Variants in PRR23E observed in about 807,000 individuals in gnomAD.
PRR23E encodes the protein proline-rich protein 23E.
the PRR23E span, among the ~76,000 whole-genome samples, chr3:127,195,925 T>C: frequency 6.6e-6 from 1 of 152,224 alleles, no homozygotes; most frequent in Non-Finnish European, 1.5e-5. Context: ...TGGGGCTACC[T>C]GATGTGCCCT....
At chr3:127,196,563 T>A in the PRR23E span, 11 of 1,373,336 alleles carry the variant, frequency 8.0e-6, no homozygotes, top group South Asian at 1.6e-5. Context: ...CTCCCTGCCC[T>A]CTGACTGGCT....
chr3:127,194,051 G>A, the PRR23E span, among the ~76,000 whole-genome samples: 3 of 151,982 alleles, frequency 2.0e-5, no homozygotes, highest in South Asian at 2.1e-4. Flanking sequence ...TCTATTTTGT[G>A]GTTTGTCTTT....
chr3:127,196,953 G>T, the PRR23E span: 1 of 1,599,424 alleles, frequency 6.3e-7, no homozygotes, highest in South Asian at 1.1e-5. Context: ...TCTCTGGATG[G>T]GTTATCCCCC....
the PRR23E span, chr3:127,193,395 C>T: frequency 6.6e-6 from 1 of 152,484 alleles, no homozygotes; most frequent in African/African-American, 2.4e-5. Flanking sequence ...CCTGGCATCT[C>T]CCCTCTCCTC....
At chr3:127,197,172 A>G in the PRR23E span, 1 of 1,591,154 alleles carries the variant, frequency 6.3e-7, no homozygotes, top group Non-Finnish European at 8.5e-7. Flanking sequence ...GACTCCAGCC[A>G]GCTCAGCCCC....
the PRR23E span, among the ~76,000 whole-genome samples, chr3:127,193,609 A>G: frequency 2.6e-5 from 4 of 152,124 alleles, no homozygotes; most frequent in Non-Finnish European, 5.9e-5. Context: ...GTAGAGGCCC[A>G]GATTAATGTG....
the PRR23E span, chr3:127,197,327 C>G: frequency 6.3e-7 from 1 of 1,597,902 alleles, no homozygotes; most frequent in Non-Finnish European, 8.5e-7. Context: ...CCCCTTCCCC[C>G]ATTGAAGATT....
chr3:127,193,974 C>T, the PRR23E span, among the ~76,000 whole-genome samples: 5 of 152,236 alleles, frequency 3.3e-5, no homozygotes, highest in African/African-American at 1.2e-4. Flanking sequence ...CTGCCGTGGA[C>T]TAGCAAGAGC....
the PRR23E span, among the ~76,000 whole-genome samples, chr3:127,196,384 T>G: frequency 6.6e-6 from 1 of 152,142 alleles, no homozygotes; most frequent in East Asian, 1.9e-4. Context: ...TTGATGTCCC[T>G]AGAAAATGCC....
At chr3:127,197,260 C>T in the PRR23E span, 1 of 1,599,438 alleles carries the variant, frequency 6.3e-7, no homozygotes, top group Non-Finnish European at 8.5e-7. Context: ...GAATGGGCCT[C>T]CAGGTTCGGT....
chr3:127,193,799 T>A, the PRR23E span, among the ~76,000 whole-genome samples: 5 of 152,278 alleles, frequency 3.3e-5, no homozygotes, highest in African/African-American at 1.2e-4. Flanking sequence ...AGTATAGGGC[T>A]TTATTCTTTA....
the PRR23E span, chr3:127,197,537 G>T: frequency 1.3e-6 from 1 of 746,438 alleles, no homozygotes. Flanking sequence ...CTTCAGTACA[G>T]AGTACACCTC....
chr3:127,194,734 C>T, the PRR23E span, among the ~76,000 whole-genome samples: 1 of 152,214 alleles, frequency 6.6e-6, no homozygotes, highest in South Asian at 2.1e-4. Flanking sequence ...ACGGGCATCT[C>T]AGCTGGGCCT....
chr3:127,197,636 C>T, the PRR23E span: 21 of 419,444 alleles, frequency 5.0e-5, 1 homozygote, highest in Middle Eastern at 5.9e-4. Context: ...CACCTTTTCT[C>T]CTCCCCAGAC....
chr3:127,197,330 TG>T, the PRR23E span: 1 of 1,597,310 alleles, frequency 6.3e-7, no homozygotes. Context: ...CTTCCCCCAT[TG>T]AAGATTCTCA....
the PRR23E span, among the ~76,000 whole-genome samples, chr3:127,194,814 G>A: frequency 1.3e-5 from 2 of 152,150 alleles, no homozygotes; most frequent in Non-Finnish European, 1.5e-5. Flanking sequence ...CTTGTCACTG[G>A]CTGTCATTGT....
the PRR23E span, chr3:127,196,547 C>T: frequency 1.5e-6 from 2 of 1,375,502 alleles, no homozygotes. Context: ...TCCTGTGCGA[C>T]CTGGTCTCCC....
chr3:127,197,638 TC>T, the PRR23E span: 1 of 414,004 alleles, frequency 2.4e-6, no homozygotes, highest in Non-Finnish European at 4.2e-6. Context: ...CCTTTTCTCC[TC>T]CCCAGACTGT....
the PRR23E span, among the ~76,000 whole-genome samples, chr3:127,194,753 T>C: frequency 6.6e-6 from 1 of 152,214 alleles, no homozygotes; most frequent in Admixed American, 6.5e-5. Context: ...CTCCTCCTAC[T>C]GGTCCTCAGC....
Sources: gnomAD v4.1 joint callset for allele counts (sites outside exome capture counted in the v4.1 genomes callset) on GRCh38, gnomAD v4.1.1 for gene constraint, MANE v1.5 for transcripts, NCBI Gene and HGNC (gene_info 2026-07-23, HGNC 2026-07-21) for gene names.